PAK5: variants seen among roughly 807,000 people sequenced by gnomAD.
PAK5 encodes the protein serine/threonine-protein kinase PAK 5.
PAK5 carries 16 observed loss-of-function variants against 65.9 expected under a neutral mutation model. The ratio of observed to expected loss-of-function variants is 0.24; its 90% CI spans 0.16 to 0.37. The LOEUF is 0.37. PAK5 is among the 10% of genes least tolerant of loss of function. The pLI, the probability that PAK5 is intolerant of heterozygous loss-of-function variation, is 1.00. For missense variants in PAK5, 785 were observed against 903.9 expected (o/e 0.87, Z 1.69); for synonymous variants, 371 against 354.9 (o/e 1.05, Z -0.51).
intron 1 of PAK5, among the ~76,000 whole-genome samples, chr20:9,787,797 C>T (rs2049008911): frequency 6.6e-6 from 1 of 151,862 alleles, no homozygotes; most frequent in Non-Finnish European, 1.5e-5. Flanking sequence ...CATACAGGTG[C>T]AATAGATATA....
intron 2 of PAK5, among the ~76,000 whole-genome samples, chr20:9,645,326 G>A (rs1043880574): frequency 6.6e-6 from 1 of 152,230 alleles, no homozygotes; most frequent in Non-Finnish European, 1.5e-5. Context: ...AATAGGCAAA[G>A]TATGCTTTAT....
intron 3 of PAK5, among the ~76,000 whole-genome samples, chr20:9,622,615 G>C (rs536648286): frequency 6.6e-6 from 1 of 152,196 alleles, no homozygotes; most frequent in Non-Finnish European, 1.5e-5. Context: ...GTGGTGGGCC[G>C]GTGAGCATTA....
intron 3 of PAK5, among the ~76,000 whole-genome samples, chr20:9,641,951 G>A (rs1317179526): frequency 6.6e-6 from 1 of 152,012 alleles, no homozygotes; most frequent in African/African-American, 2.4e-5. Context: ...ATGCAGCCCC[G>A]GTTCCCACTT....
intron 1 of PAK5, among the ~76,000 whole-genome samples, chr20:9,791,888 C>T (rs1378274023): frequency 6.6e-6 from 1 of 152,098 alleles, no homozygotes; most frequent in Non-Finnish European, 1.5e-5. Flanking sequence ...AAATGGCTTC[C>T]TCCCAAGTCT....
At chr20:9,661,307 T>C (rs2047343342) in intron 2 of PAK5, among the ~76,000 whole-genome samples, 1 of 152,142 alleles carries the variant, frequency 6.6e-6, no homozygotes, top group Non-Finnish European at 1.5e-5. Flanking sequence ...TGAAGAAGCC[T>C]CAAGGATCCT....
In PAK5 at chr20:9,818,032, T is replaced by A. The variant is rs185486939; in HGVS notation, c.-162+20730A>T. ...GTTGTAAAATCAAAGAAGGATTTTTTAAAAAGAAACACAAAAGAAGAAATG... is the reference window on the plus strand; with the variant it reads ...GTTGTAAAATCAAAGAAGGATTTTTAAAAAAGAAACACAAAAGAAGAAATG... On this transcript the variant is annotated intron_variant, in intron 1 of 9. Coordinates refer to ENST00000353224, the MANE Select transcript of PAK5 (RefSeq NM_177990.4). Among the ~76,000 whole-genome samples the A allele has an allele frequency of 2.3e-3, 355 of 152,322 alleles. 1 individual carries two copies. Among genetic ancestry groups the A allele is most frequent in the South Asian group, 0.013 (64 of 4,822 alleles).
rs375902114 is a variant in PAK5 at position 9,827,335 on chromosome 20, C to T, written c.-162+11427G>A. Among the ~76,000 whole-genome samples, 24 of 152,276 alleles carry T rather than the reference C, an allele frequency of 1.6e-4. 1 individual carries two copies. The highest frequency in any genetic ancestry group is 2.2e-4 in the African/African-American group (9 of 41,560). On this transcript the variant is annotated intron_variant, in intron 1 of 9. Coordinates refer to ENST00000353224, the MANE Select transcript of PAK5 (RefSeq NM_177990.4). ...TCAGCTTCTTGAATCTATCTAACTGCGTGATATTTTGCCTTGAGTGGCCTT... is the reference window on the plus strand; with the variant it reads ...TCAGCTTCTTGAATCTATCTAACTGTGTGATATTTTGCCTTGAGTGGCCTT...
At position 9,617,243 on chromosome 20, in the gene PAK5, T is replaced by C. The variant is rs775077685; in HGVS notation, c.204+26882A>G. 3.4e-4 allele frequency among the ~76,000 whole-genome samples: 52 copies of C among 152,204 alleles called. 1 individual carries two copies. The highest frequency in any genetic ancestry group is 5.9e-5 in the Non-Finnish European group (4 of 68,042). Reference sequence around the variant, plus strand: ...GTACGAACTTTTCAGGGACACTAGGTGGCGCCCGTGTACTTTTCTTGAGAA... The same window carrying C: ...GTACGAACTTTTCAGGGACACTAGGCGGCGCCCGTGTACTTTTCTTGAGAA... On this transcript the variant is annotated intron_variant, in intron 3 of 9. Coordinates refer to ENST00000353224, the MANE Select transcript of PAK5 (RefSeq NM_177990.4).
chr20:9,785,312 T>A (rs1454555166), intron 1 of PAK5, among the ~76,000 whole-genome samples: 1 of 152,202 alleles, frequency 6.6e-6, no homozygotes, highest in South Asian at 2.1e-4. Context: ...CTTAGTATAC[T>A]CATTTATGAC....
chr20:9,767,405 C>G (rs545950490), intron 1 of PAK5, among the ~76,000 whole-genome samples: 1 of 152,298 alleles, frequency 6.6e-6, no homozygotes, highest in Non-Finnish European at 1.5e-5. Flanking sequence ...TCATTAAAAG[C>G]AGAGTTCCTC....
intron 3 of PAK5, among the ~76,000 whole-genome samples, chr20:9,594,238 T>A (rs887892921): frequency 2.6e-5 from 4 of 152,234 alleles, no homozygotes; most frequent in African/African-American, 9.6e-5. Flanking sequence ...TTGTTAGGAA[T>A]GCAGAATTGC....
intron 1 of PAK5, among the ~76,000 whole-genome samples, chr20:9,714,573 A>T (rs1028634039): frequency 6.6e-6 from 1 of 152,162 alleles, no homozygotes; most frequent in South Asian, 2.1e-4. Flanking sequence ...ACCTCTCAAT[A>T]TTTTAAAATG....
chr20:9,596,912 G>A (rs995918759), intron 3 of PAK5, among the ~76,000 whole-genome samples: 2 of 152,154 alleles, frequency 1.3e-5, no homozygotes, highest in African/African-American at 4.8e-5. Context: ...GAGCAGGTCT[G>A]GCATAAGGCT....
intron 1 of PAK5, among the ~76,000 whole-genome samples, chr20:9,832,715 A>T (rs937061890): frequency 1.3e-5 from 2 of 152,152 alleles, no homozygotes; most frequent in Non-Finnish European, 2.9e-5. Flanking sequence ...TACTTTTTTA[A>T]TACATAAAAC....
chr20:9,767,639 T>A (rs1376105893), intron 1 of PAK5, among the ~76,000 whole-genome samples: 1 of 152,186 alleles, frequency 6.6e-6, no homozygotes, highest in Admixed American at 6.5e-5. Context: ...AAGCTTTCTG[T>A]AGAGTACCTC....
chr20:9,750,564 T>C (rs1339363428), intron 1 of PAK5, among the ~76,000 whole-genome samples: 1 of 152,156 alleles, frequency 6.6e-6, no homozygotes, highest in Non-Finnish European at 1.5e-5. Flanking sequence ...GAGTTAGTCA[T>C]GGTTTTTATG....
intron 3 of PAK5, among the ~76,000 whole-genome samples, chr20:9,596,925 A>G (rs1446763148): frequency 6.6e-6 from 1 of 152,170 alleles, no homozygotes; most frequent in Admixed American, 6.5e-5. Context: ...ATAAGGCTCA[A>G]TATTCTGAAT....
At chr20:9,672,805 C>A (rs1488065408) in intron 2 of PAK5, among the ~76,000 whole-genome samples, 1 of 152,118 alleles carries the variant, frequency 6.6e-6, no homozygotes, top group African/African-American at 2.4e-5. Flanking sequence ...TTACTTTGCC[C>A]ACATATACAG....
At chr20:9,780,795 G>C (rs2048933190) in intron 1 of PAK5, among the ~76,000 whole-genome samples, 2 of 152,098 alleles carry the variant, frequency 1.3e-5, no homozygotes, top group Non-Finnish European at 2.9e-5. Context: ...AGTAGACAGA[G>C]ATTTAACTTG....
Sources: allele counts gnomAD v4.1 joint callset (sites outside exome capture counted in the v4.1 genomes callset), GRCh38; gene constraint gnomAD v4.1.1; transcripts MANE v1.5; gene names NCBI Gene and HGNC (gene_info 2026-07-23, HGNC 2026-07-21).